Variants in PTDSS1 observed in about 807,000 individuals in gnomAD.
PTDSS1 encodes the protein phosphatidylserine synthase 1, also known as PSS-1.
Under a neutral mutation model 70.5 loss-of-function variants are expected in PTDSS1, and 45 were observed. The ratio of observed to expected loss-of-function variants is 0.64; its 90% confidence interval spans 0.50 to 0.82. The LOEUF (loss-of-function observed/expected upper bound fraction) is 0.82, where lower values mean the gene tolerates loss of function less well. Ranked by LOEUF, PTDSS1 falls within the 40% of genes least tolerant of loss-of-function variation. The pLI is 0.00. For missense variants in PTDSS1, 417 were observed against 586.1 expected, an observed-to-expected ratio of 0.71 and a Z score of 2.98; for synonymous variants, 188 against 203.8, an observed-to-expected ratio of 0.92 and a Z score of 0.66.
chr8:96,321,487 G>A (rs1272149636), intron 10 of PTDSS1, among the ~76,000 whole-genome samples: 2 of 152,004 alleles, frequency 1.3e-5, no homozygotes, highest in African/African-American at 4.8e-5. Context: ...TTCCTCTATC[G>A]CTAACCCTCT....
chr8:96,278,733 CCTT>C (rs1810686100), intron 2 of PTDSS1, among the ~76,000 whole-genome samples: 1 of 152,096 alleles, frequency 6.6e-6, no homozygotes, highest in Non-Finnish European at 1.5e-5. Flanking sequence ...CAACGGTCGA[CCTT>C]CTGGTGTACA....
At chr8:96,270,470 G>A (rs1810549695) in intron 1 of PTDSS1, among the ~76,000 whole-genome samples, 1 of 152,156 alleles carries the variant, frequency 6.6e-6, no homozygotes, top group Admixed American at 6.5e-5. Flanking sequence ...GGGGAGTTTG[G>A]CATCCTCACC....
chr8:96,283,926 T>C (rs952072137), intron 2 of PTDSS1, among the ~76,000 whole-genome samples, 183 bp from the exon 3 acceptor site: 18 of 151,952 alleles, frequency 1.2e-4, no homozygotes, highest in African/African-American at 4.4e-4. Context: ...ACAGTCGTTA[T>C]AATGTGGAGA....
At chr8:96,307,979 G>A (rs1310147944) in intron 8 of PTDSS1, among the ~76,000 whole-genome samples, 1 of 152,142 alleles carries the variant, frequency 6.6e-6, no homozygotes, top group East Asian at 1.9e-4. Flanking sequence ...GACACTTCCT[G>A]TGCCCTTACA....
intron 11 of PTDSS1, chr8:96,330,824 G>A: frequency 1.8e-6 from 1 of 559,882 alleles, no homozygotes; most frequent in East Asian, 2.9e-5. Flanking sequence ...GGCATGTTGT[G>A]GAAGATTGAT....
At chr8:96,278,537 C>G (rs1001818073) in intron 2 of PTDSS1, among the ~76,000 whole-genome samples, 1 of 152,164 alleles carries the variant, frequency 6.6e-6, no homozygotes, top group Non-Finnish European at 1.5e-5. Context: ...CTCTCCTGCC[C>G]TCTTCGCCTC....
At chr8:96,325,586 C>T (rs1811427959) in intron 10 of PTDSS1, among the ~76,000 whole-genome samples, 1 of 152,194 alleles carries the variant, frequency 6.6e-6, no homozygotes, top group African/African-American at 2.4e-5. Flanking sequence ...TGCAGCTCAA[C>T]TCCATCTCCT....
At chr8:96,270,080 C>T (rs1810543323) in intron 1 of PTDSS1, among the ~76,000 whole-genome samples, 2 of 152,208 alleles carry the variant, frequency 1.3e-5, no homozygotes, top group South Asian at 4.1e-4. Context: ...TGCCCAAGGT[C>T]ACACAGGCTG....
At chr8:96,326,081 T>C (rs1219922493) in intron 10 of PTDSS1, among the ~76,000 whole-genome samples, 1 of 152,170 alleles carries the variant, frequency 6.6e-6, no homozygotes, top group Non-Finnish European at 1.5e-5. Context: ...TTCCATCACA[T>C]CTGCCCACGT....
At chr8:96,263,867 A>G (rs537291936) in intron 1 of PTDSS1, among the ~76,000 whole-genome samples, 1 of 152,364 alleles carries the variant, frequency 6.6e-6, no homozygotes, top group South Asian at 2.1e-4. Context: ...AAATCCTCAT[A>G]AAACTAATAT....
At chr8:96,330,011 G>A (rs891989849) in intron 10 of PTDSS1, among the ~76,000 whole-genome samples, 2 of 152,144 alleles carry the variant, frequency 1.3e-5, no homozygotes, top group African/African-American at 4.8e-5. Context: ...AGTAACTGTG[G>A]TCTCATCATA....
intron 6 of PTDSS1, among the ~76,000 whole-genome samples, chr8:96,301,973 G>A (rs1360297038): frequency 2.0e-5 from 3 of 152,080 alleles, no homozygotes; most frequent in Admixed American, 2.0e-4. Context: ...TTTGGTCACT[G>A]ACTTGCAAGG....
At chr8:96,281,329 A>C (rs1182080939) in intron 2 of PTDSS1, among the ~76,000 whole-genome samples, 1 of 152,248 alleles carries the variant, frequency 6.6e-6, no homozygotes, top group Non-Finnish European at 1.5e-5. Flanking sequence ...ATGGGCAGTT[A>C]TGACAAGGCT....
intron 5 of PTDSS1, among the ~76,000 whole-genome samples, chr8:96,298,128 C>T (rs1458000987): frequency 1.3e-5 from 2 of 152,154 alleles, no homozygotes; most frequent in African/African-American, 2.4e-5. Context: ...AGTTAAGGCT[C>T]CATCTCGTGG....
chr8:96,273,297 A>T lies in PTDSS1; in HGVS notation c.180-2A>T. On this transcript the variant is annotated splice_acceptor_variant, in intron 1 of 12. Transcript: ENST00000517309. LOFTEE classifies it high-confidence loss of function. Reference sequence around the variant, plus strand: ...TGCTCAATGTTGTTTTTCTATTTTCAGGGATGACTCTGTTCCAGAAGACAA... The same window carrying T: ...TGCTCAATGTTGTTTTTCTATTTTCTGGGATGACTCTGTTCCAGAAGACAA... 8 of 1,588,804 alleles carry T rather than the reference A, an allele frequency of 5.0e-6. No individual in the cohort carries two copies. Among genetic ancestry groups the T allele is most frequent in the Non-Finnish European group, 6.8e-6 (8 of 1,170,174 alleles).
chr8:96,287,276 T>C, intron 4 of PTDSS1, 130 bp downstream of exon 4: 1 of 1,295,070 alleles, frequency 7.7e-7, no homozygotes, highest in South Asian at 1.5e-5. Context: ...ACCAGGTCTC[T>C]GGGAGGGTTG....
intron 5 of PTDSS1, among the ~76,000 whole-genome samples, chr8:96,297,538 C>T (rs1036596892): frequency 4.6e-5 from 7 of 152,148 alleles, no homozygotes; most frequent in Non-Finnish European, 7.4e-5. Flanking sequence ...CCAGGTTCAC[C>T]GGCCCCTGCC....
intron 9 of PTDSS1, among the ~76,000 whole-genome samples, chr8:96,317,321 C>A (rs1392363960): frequency 2.6e-5 from 4 of 152,066 alleles, no homozygotes; most frequent in Non-Finnish European, 4.4e-5. Context: ...CTCACCTCCT[C>A]CTAGCCACCT....
intron 12 of PTDSS1, among the ~76,000 whole-genome samples, chr8:96,331,805 G>T (rs558980399): frequency 1.3e-5 from 2 of 151,834 alleles, no homozygotes; most frequent in African/African-American, 2.4e-5. Context: ...TAACCCCAGC[G>T]CTTTGGGATG....
Sources: gnomAD v4.1 joint callset for allele counts (sites outside exome capture counted in the v4.1 genomes callset) on GRCh38, gnomAD v4.1.1 for gene constraint, MANE v1.5 for transcripts, NCBI Gene and HGNC (gene_info 2026-07-23, HGNC 2026-07-21) for gene names.